TSGA10: variants seen among roughly 807,000 people sequenced by gnomAD.
The protein encoded by TSGA10 is testis-specific gene 10 protein.
Under a neutral mutation model 96.6 loss-of-function variants are expected in TSGA10, and 43 were observed. That is an observed-to-expected ratio of 0.44 (90% CI 0.35 to 0.57). The LOEUF is 0.57. TSGA10 is among the 20% of genes least tolerant of loss of function. The pLI is 0.01. For synonymous variants in TSGA10, 229 were observed against 269.9 expected (o/e 0.85, Z 1.48); for missense variants, 703 against 834.4 (o/e 0.84, Z 1.94).
chr2:99,100,263 G>A (rs2090535343), intron 10 of TSGA10, among the ~76,000 whole-genome samples: 1 of 152,146 alleles, frequency 6.6e-6, no homozygotes, highest in Non-Finnish European at 1.5e-5. Flanking sequence ...AGGTAGATTT[G>A]TTCTTATAGG....
chr2:99,075,122 T>TA (rs1264361195), intron 12 of TSGA10, among the ~76,000 whole-genome samples: 2 of 152,210 alleles, frequency 1.3e-5, no homozygotes, highest in Non-Finnish European at 2.9e-5. Context: ...CATATACTCT[T>TA]AGCCTATTTT....
At chr2:99,109,197 A>G (rs2091611394) in intron 6 of TSGA10, among the ~76,000 whole-genome samples, 192 bp downstream of exon 6, 1 of 152,232 alleles carries the variant, frequency 6.6e-6, no homozygotes, top group African/African-American at 2.4e-5. Context: ...CCCAAGTGCT[A>G]ATTATGCTGA....
chr2:99,120,550 C>G (rs934337445), intron 2 of TSGA10, among the ~76,000 whole-genome samples: 1 of 152,062 alleles, frequency 6.6e-6, no homozygotes, highest in African/African-American at 2.4e-5. Flanking sequence ...TATATAAGAG[C>G]TCAAGTAAAA....
At chr2:99,107,649 A>G (rs915173163) in intron 7 of TSGA10, among the ~76,000 whole-genome samples, 2 of 152,186 alleles carry the variant, frequency 1.3e-5, no homozygotes, top group Non-Finnish European at 2.9e-5. Context: ...GAAAATATCA[A>G]AAGAGTATTT....
chr2:98,998,779 A>T (rs1180460449), intron 20 of TSGA10, among the ~76,000 whole-genome samples: 1 of 152,214 alleles, frequency 6.6e-6, no homozygotes, highest in African/African-American at 2.4e-5. Context: ...ACACTGTGCT[A>T]ATGTCAATAT....
At chr2:99,121,934 T>C (rs1028105986) in intron 2 of TSGA10, among the ~76,000 whole-genome samples, 1 of 152,238 alleles carries the variant, frequency 6.6e-6, no homozygotes, top group African/African-American at 2.4e-5. Flanking sequence ...ACATCTATGG[T>C]CCATTTAATT....
chr2:99,009,221 A>G (rs2078782314), intron 20 of TSGA10, among the ~76,000 whole-genome samples: 1 of 152,196 alleles, frequency 6.6e-6, no homozygotes, highest in Non-Finnish European at 1.5e-5. Context: ...CCAAAATAAA[A>G]GATGGAAAAA....
intron 16 of TSGA10, among the ~76,000 whole-genome samples, chr2:99,062,024 T>C (rs1390254998): frequency 1.3e-5 from 2 of 152,196 alleles, no homozygotes; most frequent in African/African-American, 4.8e-5. Context: ...ACTGTGATCT[T>C]AGATTTCCAG....
At chr2:99,114,933 G>A (rs1193308484) in intron 4 of TSGA10, among the ~76,000 whole-genome samples, 1 of 151,932 alleles carries the variant, frequency 6.6e-6, no homozygotes, top group Non-Finnish European at 1.5e-5. Context: ...CTTCAATATT[G>A]ATATATATAT....
At chr2:99,141,312 T>C (rs2093542491) in intron 1 of TSGA10, 2 of 351,334 alleles carry the variant, frequency 5.7e-6, no homozygotes, top group Non-Finnish European at 9.7e-6. Context: ...CGCCAGCCAG[T>C]GCCGCCGTGG....
chr2:99,107,737 T>C (rs1429851497), intron 7 of TSGA10, among the ~76,000 whole-genome samples: 1 of 152,194 alleles, frequency 6.6e-6, no homozygotes, highest in Non-Finnish European at 1.5e-5. Context: ...AAGTTATTCA[T>C]TTATGTATTG....
At chr2:99,134,967 C>T (rs1193434707) in intron 1 of TSGA10, among the ~76,000 whole-genome samples, 1 of 152,304 alleles carries the variant, frequency 6.6e-6, no homozygotes, top group African/African-American at 2.4e-5. Context: ...CCTCTGAAAG[C>T]TTCGTCCCAG....
At chr2:99,146,422 G>A (rs2093632554) in intron 1 of TSGA10, among the ~76,000 whole-genome samples, 1 of 151,954 alleles carries the variant, frequency 6.6e-6, no homozygotes, top group African/African-American at 2.4e-5. Flanking sequence ...TCTCCTTCCA[G>A]TCTCTTATCT....
chr2:98,999,870 T>C, intron 20 of TSGA10, among the ~76,000 whole-genome samples: 1 of 152,280 alleles, frequency 6.6e-6, no homozygotes, highest in Admixed American at 6.5e-5. Flanking sequence ...CACCTCAGCC[T>C]ACCAAGTAGC....
intron 1 of TSGA10, among the ~76,000 whole-genome samples, chr2:99,150,124 T>A (rs2105153575): frequency 6.6e-6 from 1 of 152,328 alleles, no homozygotes; most frequent in East Asian, 1.9e-4. Context: ...CATCTTTATT[T>A]TTTACAGAAA....
At chr2:99,036,671 T>A (rs989748854) in intron 16 of TSGA10, among the ~76,000 whole-genome samples, 2 of 152,142 alleles carry the variant, frequency 1.3e-5, no homozygotes, top group Non-Finnish European at 2.9e-5. Context: ...TTAATCCAAC[T>A]ATAATTACTT....
At chr2:99,106,918 A>G (rs2091409373) in intron 7 of TSGA10, among the ~76,000 whole-genome samples, 1 of 152,152 alleles carries the variant, frequency 6.6e-6, no homozygotes, top group Non-Finnish European at 1.5e-5. Flanking sequence ...GAAGGCTCGA[A>G]GCTCACCTCT....
At chr2:99,069,280 A>G (rs2085637683) in intron 14 of TSGA10, among the ~76,000 whole-genome samples, 1 of 152,158 alleles carries the variant, frequency 6.6e-6, no homozygotes, top group African/African-American at 2.4e-5. Context: ...TCTGCTTATC[A>G]AATTAATAAA....
intron 16 of TSGA10, among the ~76,000 whole-genome samples, chr2:99,037,399 T>C (rs974581950): frequency 1.3e-5 from 2 of 151,944 alleles, no homozygotes; most frequent in East Asian, 3.9e-4. Context: ...AAATAACACA[T>C]AGGTCAAAGA....
Sources: gnomAD v4.1 joint callset for allele counts (sites outside exome capture counted in the v4.1 genomes callset) on GRCh38, gnomAD v4.1.1 for gene constraint, MANE v1.5 for transcripts, NCBI Gene and HGNC (gene_info 2026-07-23, HGNC 2026-07-21) for gene names.